Variants in ADAM12 observed in about 807,000 individuals in gnomAD.
ADAM12 encodes the protein ADAM metallopeptidase domain 12.
ADAM12 carries 70 observed loss-of-function variants against 106.4 expected under a neutral mutation model. The observed-to-expected ratio is 0.66, with a 90% CI of 0.54 to 0.80. The LOEUF (loss-of-function observed/expected upper bound fraction) is 0.80, where lower values mean the gene tolerates loss of function less well. Ranked by LOEUF, ADAM12 falls within the 30% of genes least tolerant of loss-of-function variation. The pLI is 0.00. For synonymous variants in ADAM12, 420 were observed against 433.5 expected, an observed-to-expected ratio of 0.97 and a Z score of 0.39; for missense variants, 1,010 against 1,171.9, an observed-to-expected ratio of 0.86 and a Z score of 2.02.
At chr10:126,292,773 A>G (rs886835038) in intron 2 of ADAM12, among the ~76,000 whole-genome samples, 1 of 152,236 alleles carries the variant, frequency 6.6e-6, no homozygotes, top group Non-Finnish European at 1.5e-5. Flanking sequence ...AACTTTATTG[A>G]TGTACACCAA....
intron 4 of ADAM12, among the ~76,000 whole-genome samples, chr10:126,148,918 G>A (rs2133708137): frequency 6.6e-6 from 1 of 152,206 alleles, no homozygotes; most frequent in Non-Finnish European, 1.5e-5. Flanking sequence ...GAACACTGCT[G>A]CCTAGAGGAC....
chr10:126,015,697 T>C lies in ADAM12; in HGVS notation c.*1582A>G, dbSNP rs749654226. ...GCAAACCAAGATTCTTGGTACATAT[T>C]TTTCTGTTTCAAAGCATAGGAAAAC... On this transcript the variant is annotated 3_prime_UTR_variant, in exon 23 of 23. Coordinates refer to ENST00000448723, the MANE Select transcript of ADAM12 (RefSeq NM_001288973.2). 2.0e-5 allele frequency: 3 copies of C among 152,186 alleles called. No individual in the cohort carries two copies. Among genetic ancestry groups the C allele is most frequent in the Non-Finnish European group, 4.4e-5 (3 of 68,030 alleles). The allele number at this position is 152,186 out of a possible 1,614,324, so 9.4% of individuals were successfully genotyped here. A position where few individuals can be genotyped will look rare whatever the true frequency, so the allele number is the denominator to read the frequency against.
At chr10:126,243,579 T>C (rs1047746587) in intron 3 of ADAM12, among the ~76,000 whole-genome samples, 1 of 151,952 alleles carries the variant, frequency 6.6e-6, no homozygotes, top group Admixed American at 6.6e-5. Context: ...CAGGACAAGT[T>C]AAAACACTTA....
At chr10:126,277,264 T>G (rs1959305433) in intron 3 of ADAM12, among the ~76,000 whole-genome samples, 2 of 152,198 alleles carry the variant, frequency 1.3e-5, no homozygotes, top group African/African-American at 4.8e-5. Flanking sequence ...GTTTTCATAG[T>G]AAAAACAACT....
At chr10:126,127,619 C>T (rs1052291923) in intron 5 of ADAM12, among the ~76,000 whole-genome samples, 4 of 152,134 alleles carry the variant, frequency 2.6e-5, no homozygotes, top group African/African-American at 4.8e-5. Flanking sequence ...GCAGGCACCT[C>T]GTAGAATGAG....
chr10:126,338,140 T>C (rs1041725233), intron 1 of ADAM12, among the ~76,000 whole-genome samples: 8 of 152,156 alleles, frequency 5.3e-5, no homozygotes, highest in Admixed American at 4.6e-4. Flanking sequence ...TCTAAATAGA[T>C]TCATACCCCA....
Position 126,388,271 on chromosome 10 carries a change from G to C in ADAM12, c.-126C>G, listed in dbSNP as rs1312915046. ...TTTCCTGCCTCGGCGAGTCAGCTCC[G>C]GAGCCCTCGCGCAGCGCCCGCGCCG... On this transcript the variant is annotated 5_prime_UTR_variant, in exon 1 of 23. Coordinates refer to ENST00000448723, the MANE Select transcript of ADAM12 (RefSeq NM_001288973.2). This position sits in a 1 kb window ranked among gnomAD's most constrained non-coding sequence, Gnocchi z 4.4. 8.6e-7 allele frequency: 1 copy of C among 1,164,272 alleles called. No individual in the cohort carries two copies. The highest frequency in any genetic ancestry group is 4.6e-5 in the Admixed American group (1 of 21,964). 72.1% of individuals were successfully genotyped at this position (1,164,272 alleles called of 1,614,324 possible). A position where few individuals can be genotyped will look rare whatever the true frequency, so the allele number is the denominator to read the frequency against.
intron 1 of ADAM12, among the ~76,000 whole-genome samples, chr10:126,378,046 T>C (rs901256691): frequency 2.0e-5 from 3 of 152,096 alleles, no homozygotes; most frequent in Non-Finnish European, 4.4e-5. Flanking sequence ...ACGAAGAACA[T>C]ATAAACACAT....
At chr10:126,265,392 A>C (rs1187674189) in intron 3 of ADAM12, among the ~76,000 whole-genome samples, 1 of 152,318 alleles carries the variant, frequency 6.6e-6, no homozygotes, top group South Asian at 2.1e-4. Context: ...GAAAGAACAG[A>C]TCTAGGCACT....
intron 3 of ADAM12, among the ~76,000 whole-genome samples, chr10:126,261,593 T>C (rs1565175425): frequency 6.6e-6 from 1 of 152,174 alleles, no homozygotes; most frequent in East Asian, 1.9e-4. Flanking sequence ...GCAGGAACCG[T>C]GTGTTATTCA....
At chr10:126,242,543 GT>G (rs1958546641) in intron 3 of ADAM12, among the ~76,000 whole-genome samples, 1 of 152,186 alleles carries the variant, frequency 6.6e-6, no homozygotes, top group Non-Finnish European at 1.5e-5. Context: ...CCATGAGATT[GT>G]GCGAAGGCAG....
intron 3 of ADAM12, among the ~76,000 whole-genome samples, chr10:126,157,710 GTGCCAGAGAAAGT>G (rs1020780996): frequency 2.6e-5 from 4 of 152,194 alleles, no homozygotes; most frequent in African/African-American, 9.7e-5. Context: ...TGCACATGTC[GTGCCAGAGAAAGT>G]TGCCCTCCTT....
chr10:126,048,178 ATAAC>A (rs1395343155), intron 16 of ADAM12, among the ~76,000 whole-genome samples: 3 of 152,184 alleles, frequency 2.0e-5, no homozygotes, highest in Non-Finnish European at 4.4e-5. Flanking sequence ...ATCAGGAAGA[ATAAC>A]TAATGGGTAC....
intron 3 of ADAM12, among the ~76,000 whole-genome samples, chr10:126,212,380 T>C (rs1209501612): frequency 1.3e-5 from 2 of 152,230 alleles, no homozygotes; most frequent in African/African-American, 2.4e-5. Flanking sequence ...ACTAATTTTA[T>C]CTTGAACCAA....
intron 2 of ADAM12, among the ~76,000 whole-genome samples, chr10:126,299,666 A>AG (rs1392656852): frequency 1.3e-5 from 2 of 150,462 alleles, no homozygotes; most frequent in Non-Finnish European, 3.0e-5. Flanking sequence ...TTCTTTTTTT[A>AG]ACAGTCTCAC....
At chr10:126,085,166 A>G (rs1955312992) in intron 11 of ADAM12, among the ~76,000 whole-genome samples, 1 of 152,170 alleles carries the variant, frequency 6.6e-6, no homozygotes, top group African/African-American at 2.4e-5. Flanking sequence ...GTCTCCATGG[A>G]TTATGTACAG....
At chr10:126,287,156 C>T (rs1959904469) in intron 2 of ADAM12, among the ~76,000 whole-genome samples, 1 of 152,186 alleles carries the variant, frequency 6.6e-6, no homozygotes, top group African/African-American at 2.4e-5. Context: ...ATAGCCAGAG[C>T]ATCTTAAAGC....
At chr10:126,156,681 G>C (rs1956821558) in intron 3 of ADAM12, among the ~76,000 whole-genome samples, 1 of 152,218 alleles carries the variant, frequency 6.6e-6, no homozygotes, top group Non-Finnish European at 1.5e-5. Flanking sequence ...ATGTGCTTTG[G>C]GTGGAGCATC....
intron 3 of ADAM12, among the ~76,000 whole-genome samples, chr10:126,254,233 T>C (rs1958844384): frequency 6.6e-6 from 1 of 152,232 alleles, no homozygotes; most frequent in South Asian, 2.1e-4. Context: ...ACCTATCAGC[T>C]GCGTGACCTG....
Sources: gnomAD v4.1 joint callset for allele counts (sites outside exome capture counted in the v4.1 genomes callset) on GRCh38, gnomAD v4.1.1 for gene constraint, Gnocchi (gnomAD v3.1) non-coding constraint, MANE v1.5 for transcripts, NCBI Gene and HGNC (gene_info 2026-07-23, HGNC 2026-07-21) for gene names.